The following SBNO2 variants were observed in gnomAD, a reference collection of about 807,000 sequenced individuals.
SBNO2 encodes strawberry notch homolog 2, also known as protein strawberry notch homolog 2.
A neutral mutation model predicts 146.3 loss-of-function variants in SBNO2; 89 were observed. That is an observed-to-expected ratio of 0.61 (90% CI 0.51 to 0.73). The LOEUF (loss-of-function observed/expected upper bound fraction) is 0.73, where lower values mean the gene tolerates loss of function less well. Among genes scored for constraint, SBNO2 ranks in the 30% least tolerant of loss-of-function variants. The probability of loss-of-function intolerance (pLI) is 0.00; values close to 1 mark genes in which losing one functional copy is unlikely to be tolerated. For synonymous variants in SBNO2, 1,147 were observed against 892.6 expected, an observed-to-expected ratio of 1.29 and a Z score of -5.08; for missense variants, 2,092 against 2,003.7, an observed-to-expected ratio of 1.04 and a Z score of -0.84.
intron 4 of SBNO2, 36 bp from the exon 5 acceptor site, chr19:1,127,801 G>A (rs374305393): frequency 1.6e-5 from 25 of 1,600,890 alleles, no homozygotes; most frequent in East Asian, 9.0e-5. Context: ...AGGGTGGTAC[G>A]GGAGACACCA....
At chr19:1,130,153 C>G (rs2080012294) in intron 4 of SBNO2, among the ~76,000 whole-genome samples, 1 of 152,098 alleles carries the variant, frequency 6.6e-6, no homozygotes, top group Non-Finnish European at 1.5e-5. Context: ...CAGGAAAGGA[C>G]ATGGGGGAAA....
At chr19:1,119,279 G>A (rs2079870475) in intron 13 of SBNO2, 115 bp from the exon 14 acceptor site, 1 of 1,295,780 alleles carries the variant, frequency 7.7e-7, no homozygotes, top group African/African-American at 1.5e-5. Flanking sequence ...GCAGAGCCCT[G>A]GCGGCCACTG....
At chr19:1,115,904 G>A in intron 17 of SBNO2, 117 bp downstream of exon 17, 1 of 826,506 alleles carries the variant, frequency 1.2e-6, no homozygotes, top group Non-Finnish European at 2.0e-6. Context: ...GCACGGACAG[G>A]ACCTGCATTT....
chr19:1,171,682 C>T (rs1025628189), intron 1 of SBNO2, among the ~76,000 whole-genome samples: 4 of 152,146 alleles, frequency 2.6e-5, no homozygotes, highest in Non-Finnish European at 5.9e-5. Flanking sequence ...TCCGTGACTC[C>T]GCTGGAGCCG....
In SBNO2 at chr19:1,150,588, G is replaced by C. The variant is rs1264957436; in HGVS notation, c.94-1146C>G. Among the ~76,000 whole-genome samples, 1 of 151,812 alleles carries C rather than the reference G, an allele frequency of 6.6e-6. No homozygotes were observed. The highest frequency in any genetic ancestry group is 2.4e-5 in the African/African-American group (1 of 41,144). Reference sequence around the variant, plus strand: ...CGTGGTCATGGGGGAGACACCACCAGCCGGGGGCATCATCCTGCTTATCCC... The same window carrying C: ...CGTGGTCATGGGGGAGACACCACCACCCGGGGGCATCATCCTGCTTATCCC... On this transcript the variant is annotated intron_variant, in intron 2 of 31. Coordinates refer to ENST00000361757, the MANE Select transcript of SBNO2 (RefSeq NM_014963.3). This position sits in a 1 kb window ranked among gnomAD's most constrained non-coding sequence, Gnocchi z 6.2.
chr19:1,173,422 A>G lies in SBNO2; in HGVS notation c.-127+750T>C, dbSNP rs1011310244. Among the ~76,000 whole-genome samples, 7 of 152,128 alleles carry G rather than the reference A, an allele frequency of 4.6e-5. No homozygotes were observed. In the East Asian group the frequency reaches 1.4e-3, roughly 29 times the overall value. The stretch of plus-strand genomic sequence containing the variant: ...GGTCACCTAATATCAGCAAGCCCCC[A>G]TCCCAAACCGGGGGACCTCCATGCA... On this transcript the variant is annotated intron_variant, in intron 1 of 31. Transcript: ENST00000361757. The surrounding 1 kb of genome is among the most constrained non-coding windows in gnomAD (Gnocchi z 4.7).
chr19:1,108,842 C>T lies in SBNO2; in HGVS notation c.3553G>A (p.Val1185Ile). The change falls in exon 31 of 32, where the codon GTC becomes ATC. Residue 1185 changes from valine (V) to isoleucine (I), a missense_variant. Transcript: ENST00000361757. The part of the protein sequence containing the change: ...WGRIAAVMAD[V>I]SSSSYLQIVR... ...ATCTGCAGGTAGCTGCTGCTGCTGA[C>T]GTCGGCCATGACGGCGGCGATGCGG... 1.9e-6 allele frequency: 3 copies of T among 1,600,352 alleles called. No individual in the cohort carries two copies. Among genetic ancestry groups the T allele is most frequent in the South Asian group, 1.1e-5 (1 of 90,684 alleles).
intron 16 of SBNO2, among the ~76,000 whole-genome samples, chr19:1,116,576 T>G (rs912693521): frequency 1.9e-4 from 29 of 152,016 alleles, no homozygotes; most frequent in African/African-American, 7.0e-4. Context: ...GCAGGAAGCC[T>G]CCTTCTGAGA....
intron 4 of SBNO2, among the ~76,000 whole-genome samples, chr19:1,133,483 C>T (rs1202980475): frequency 2.0e-5 from 3 of 152,194 alleles, no homozygotes; most frequent in African/African-American, 7.2e-5. Context: ...GACCCTGAGG[C>T]CCTGTGCCAG....
In SBNO2 at chr19:1,122,488, C is replaced by T. The variant is rs777055488; in HGVS notation, c.985G>A (p.Ala329Thr). 37 of 1,573,812 alleles carry T rather than the reference C, an allele frequency of 2.4e-5. No homozygotes were observed. The highest frequency in any genetic ancestry group is 1.5e-4 in the African/African-American group (11 of 74,124). Residue 329 changes from alanine (A) to threonine (T), a missense_variant, in exon 10 of 32, where the codon GCG becomes ACG. Physicochemically the swap from Ala to Thr is moderately conservative, Grantham distance 58 (BLOSUM62 0). Transcript: ENST00000361757. ...CCTACCTTGCTGAGCGCGTGCACCG[C>T]GATGCCCGTGGCTTCGATGTCCCGC... ...DLRDIEATGI[A>T]VHALSKIKYG...
chr19:1,168,599 AGCGTGGGTCCC>A (rs2080448163), intron 1 of SBNO2: 1 of 152,248 alleles, frequency 6.6e-6, no homozygotes, highest in Non-Finnish European at 1.5e-5. Flanking sequence ...TGCGGTCACC[AGCGTGGGTCCC>A]GCGACCCATT....
In SBNO2 at chr19:1,112,473, T is replaced by C; in HGVS notation, c.2444A>G (p.Gln815Arg). The C allele has an allele frequency of 6.2e-7, 1 of 1,607,858 alleles. No individual in the cohort carries two copies. The highest frequency in any genetic ancestry group is 8.5e-7 in the Non-Finnish European group (1 of 1,178,726). Reference sequence around the variant, plus strand: ...CATGTGCACGCGGCGCCGCTGGTTCTGGACACGGCGGTCGGCTTGGAGGGA... The same window carrying C: ...CATGTGCACGCGGCGCCGCTGGTTCCGGACACGGCGGTCGGCTTGGAGGGA... ...GVSLQADRRV[Q>R]NQRRRVHMTL... Residue 815 changes from glutamine to arginine, a missense_variant, in exon 21 of 32, where the codon CAG becomes CGG. Gln to Arg is a conservative substitution (Grantham distance 43). Coordinates refer to ENST00000361757, the MANE Select transcript of SBNO2 (RefSeq NM_014963.3). The surrounding 1 kb of genome is among the most constrained non-coding windows in gnomAD (Gnocchi z 5.9).
chr19:1,109,711 G>C lies in SBNO2; in HGVS notation c.3095C>G (p.Pro1032Arg). The change falls in exon 27 of 32, where the codon CCG becomes CGG. Residue 1032 changes from proline to arginine, a missense_variant. Physicochemically the swap from Pro to Arg is moderately radical, Grantham distance 103 (BLOSUM62 -2). Transcript: ENST00000361757. This position sits in a 1 kb window ranked among gnomAD's most constrained non-coding sequence, Gnocchi z 4.2. ...GTAGAAGACCACCTGCCCGTCCTGC[G>C]GGTGCCCGGGAGCCAGGAACACCTG... ...SQQVFLAPGH[P>R]QDGQVVFYKI... The C allele has an allele frequency of 6.2e-7, 1 of 1,607,630 alleles. No homozygotes were observed. The highest frequency in any genetic ancestry group is 8.5e-7 in the Non-Finnish European group (1 of 1,176,238).
At position 1,127,755 on chromosome 19, in the gene SBNO2, TAGG is replaced by T. The variant is rs777014433; in HGVS notation, c.287_289del (p.Ser96del). 6.2e-7 allele frequency: 1 copy of T among 1,613,078 alleles called. No homozygotes were observed. ...GGAGATGTTGGAGAAGTCCTCAAAATAGGAGGAGTCCTGGAAGACAAGGCCAGG... is the reference window on the plus strand; with the variant it reads ...GGAGATGTTGGAGAAGTCCTCAAAATAGGAGTCCTGGAAGACAAGGCCAGG... On this transcript the variant is annotated inframe_deletion, in exon 5 of 32. Transcript: ENST00000361757.
intron 4 of SBNO2, chr19:1,131,950 T>C: frequency 1.9e-6 from 1 of 520,930 alleles, no homozygotes; most frequent in Non-Finnish European, 3.2e-6. Flanking sequence ...GGGGTGGGGA[T>C]TTTTTTAGAT....
intron 1 of SBNO2, among the ~76,000 whole-genome samples, chr19:1,162,069 T>C (rs990730189): frequency 6.7e-6 from 1 of 149,596 alleles, no homozygotes; most frequent in African/African-American, 2.5e-5. Context: ...CCCGAGGCTG[T>C]GGGGCTCCTT....
intron 1 of SBNO2, among the ~76,000 whole-genome samples, chr19:1,161,756 G>A (rs1037310367): frequency 9.9e-5 from 15 of 151,990 alleles, no homozygotes; most frequent in African/African-American, 3.1e-4. Context: ...TCAGAACTGC[G>A]TAGGGAGCTG....
At position 1,117,743 on chromosome 19, in the gene SBNO2, C is replaced by T. The variant is rs183458727; in HGVS notation, c.1528-244G>A. On this transcript the variant is annotated intron_variant, in intron 14 of 31. Transcript: ENST00000361757. ...GCAAACTGCACAGACTCCGCGCCCG[C>T]GGCAAACAGGCTCAGCTCCTTCCAA... 9.9e-4 allele frequency among the ~76,000 whole-genome samples: 151 copies of T among 152,384 alleles called. 2 individuals are homozygous for T. The highest frequency in any genetic ancestry group is 6.9e-3 in the Admixed American group (105 of 15,312).
intron 1 of SBNO2, among the ~76,000 whole-genome samples, chr19:1,155,779 C>T (rs1040691994): frequency 1.3e-5 from 2 of 152,214 alleles, no homozygotes; most frequent in Admixed American, 6.5e-5. Context: ...GGGCCCAAGG[C>T]AGCTGCTGAT....
Sources: allele counts gnomAD v4.1 joint callset (sites outside exome capture counted in the v4.1 genomes callset), GRCh38; gene constraint gnomAD v4.1.1; non-coding constraint Gnocchi (gnomAD v3.1); transcripts MANE v1.5; gene names NCBI Gene and HGNC (gene_info 2026-07-23, HGNC 2026-07-21).